PRKCI: variants seen among roughly 807,000 people sequenced by gnomAD.
The protein encoded by PRKCI is protein kinase C iota type.
A neutral mutation model predicts 84.0 loss-of-function variants in PRKCI; 43 were observed. The ratio of observed to expected loss-of-function variants is 0.51; its 90% CI spans 0.40 to 0.66. PRKCI has a LOEUF of 0.66. PRKCI is among the 30% of genes least tolerant of loss of function. PRKCI has a pLI of 0.00. For missense variants in PRKCI, 459 were observed against 745.6 expected, an observed-to-expected ratio of 0.62 and a Z score of 4.48; for synonymous variants, 216 against 234.4, an observed-to-expected ratio of 0.92 and a Z score of 0.72.
chr3:170,277,693 CA>C (rs113442053), intron 8 of PRKCI, among the ~76,000 whole-genome samples: 4,223 of 79,230 alleles, frequency 0.053, 73 homozygotes, highest in South Asian at 0.18. Context: ...GACTCCGTCT[CA>C]AAAAAAAAAA....
At chr3:170,234,586 G>C (rs75761538) in intron 1 of PRKCI, among the ~76,000 whole-genome samples, 2,393 of 152,124 alleles carry the variant, frequency 0.016, 40 homozygotes, top group East Asian at 0.085. Context: ...AAATTTCATA[G>C]AATTTTCTTC....
chr3:170,272,500 A>G (rs942525259), intron 6 of PRKCI, among the ~76,000 whole-genome samples: 2 of 152,162 alleles, frequency 1.3e-5, no homozygotes, highest in African/African-American at 4.8e-5. Flanking sequence ...AAGGCTGACT[A>G]TTTCCAACAT....
chr3:170,251,167 C>T (rs754816248), intron 2 of PRKCI, among the ~76,000 whole-genome samples: 6 of 151,996 alleles, frequency 3.9e-5, no homozygotes, highest in Admixed American at 2.6e-4. Context: ...TGTCATAAAA[C>T]GAAACTTGAA....
At chr3:170,282,165 A>G (rs78793673) in intron 11 of PRKCI, among the ~76,000 whole-genome samples, 197 bp downstream of exon 11, 3,250 of 152,330 alleles carry the variant, frequency 0.021, 89 homozygotes, top group South Asian at 0.11. Flanking sequence ...ATTTATACAC[A>G]TACATGTACA....
intron 14 of PRKCI, among the ~76,000 whole-genome samples, chr3:170,294,240 A>T (rs1049534193): frequency 7.2e-5 from 11 of 152,194 alleles, no homozygotes; most frequent in Admixed American, 2.6e-4. Context: ...AAGATGGGGA[A>T]AAAAGGCCCC....
chr3:170,232,592 A>G (rs1295740109), intron 1 of PRKCI, among the ~76,000 whole-genome samples: 1 of 151,208 alleles, frequency 6.6e-6, no homozygotes, highest in Non-Finnish European at 1.5e-5. Flanking sequence ...TTAGAGACAG[A>G]GTCTTGCTCT....
intron 4 of PRKCI, among the ~76,000 whole-genome samples, chr3:170,265,596 G>A (rs990177488): frequency 6.6e-6 from 1 of 151,708 alleles, no homozygotes; most frequent in South Asian, 2.1e-4. Flanking sequence ...TGAATTAATC[G>A]AAATAGCTCT....
At chr3:170,272,414 G>T (rs1413703861) in intron 6 of PRKCI, among the ~76,000 whole-genome samples, 1 of 152,280 alleles carries the variant, frequency 6.6e-6, no homozygotes, top group African/African-American at 2.4e-5. Flanking sequence ...TTTGGTATTA[G>T]AATCTTTAAT....
chr3:170,240,900 T>TCC (rs1733113335), intron 2 of PRKCI, among the ~76,000 whole-genome samples: 1 of 152,244 alleles, frequency 6.6e-6, no homozygotes, highest in African/African-American at 2.4e-5. Context: ...GTTTGCTTAA[T>TCC]CTAACTAAAC....
At chr3:170,264,946 G>C (rs1733822071) in intron 4 of PRKCI, among the ~76,000 whole-genome samples, 1 of 151,974 alleles carries the variant, frequency 6.6e-6, no homozygotes, top group South Asian at 2.1e-4. Flanking sequence ...AGCACTTTGG[G>C]AGGCTGAGGC....
At chr3:170,261,469 A>G (rs561953392) in intron 3 of PRKCI, among the ~76,000 whole-genome samples, 1 of 151,056 alleles carries the variant, frequency 6.6e-6, no homozygotes, top group East Asian at 1.9e-4. Flanking sequence ...TAAAAAAAAA[A>G]AAAAAACAGT....
At chr3:170,279,442 G>A (rs1392376954) in intron 8 of PRKCI, among the ~76,000 whole-genome samples, 2 of 152,070 alleles carry the variant, frequency 1.3e-5, no homozygotes, top group Non-Finnish European at 2.9e-5. Context: ...TTTACTATTT[G>A]CTTTTCTTGG....
intron 12 of PRKCI, among the ~76,000 whole-genome samples, chr3:170,289,498 G>A (rs1252107256): frequency 6.6e-6 from 1 of 152,148 alleles, no homozygotes; most frequent in East Asian, 1.9e-4. Context: ...GGAAGGGCCG[G>A]GCACAGTGCT....
At chr3:170,270,595 T>TC (rs748868943) in intron 6 of PRKCI, 34 bp downstream of exon 6, 2 of 1,556,366 alleles carry the variant, frequency 1.3e-6, no homozygotes, top group South Asian at 2.4e-5. Context: ...TTTTTTTTTT[T>TC]TAAGAGCGTG....
chr3:170,284,671 A>C (rs954478072), intron 12 of PRKCI, 75 bp downstream of exon 12: 82 of 1,445,884 alleles, frequency 5.7e-5, no homozygotes, highest in Non-Finnish European at 7.4e-5. Flanking sequence ...TCATGTTTAA[A>C]GATGAGGAAA....
Position 170,275,275 on chromosome 3 carries a change from T to A in PRKCI, c.693T>A (p.Gly231=), listed in dbSNP as rs1346869276. ...GTCATGAGAGTTTGGATCAAGTTGG[T>A]GAAGAAAAAGAGGTAAGATAATTTG... is the stretch of plus-strand genomic sequence containing the variant. The part of the protein sequence containing the change: ...PSSHESLDQV[G]EEKEAMNTRE... Residue 231 remains glycine, a synonymous_variant, in exon 8 of 18, where the codon GGT becomes GGA. Coordinates refer to ENST00000295797, the MANE Select transcript of PRKCI (RefSeq NM_002740.6). 1.3e-6 allele frequency: 2 copies of A among 1,597,250 alleles called. No individual in the cohort carries two copies. The highest frequency in any genetic ancestry group is 3.5e-5 in the Admixed American group (2 of 57,748).
chr3:170,242,438 C>T (rs987094152), intron 2 of PRKCI, among the ~76,000 whole-genome samples: 99 of 147,622 alleles, frequency 6.7e-4, no homozygotes, highest in African/African-American at 2.6e-3. Context: ...GAGACCCCAT[C>T]TCAAAAGAAA....
chr3:170,253,126 T>G (rs967425404), intron 2 of PRKCI, among the ~76,000 whole-genome samples: 1 of 152,232 alleles, frequency 6.6e-6, no homozygotes, highest in African/African-American at 2.4e-5. Flanking sequence ...TCATGGCTAT[T>G]GTGAATAGTG....
In PRKCI at chr3:170,286,485, C is replaced by CTTTTTTT. The variant is rs34674664; in HGVS notation, c.1203+1905_1203+1911dup. Reference sequence around the variant, plus strand: ...AAGTGCACAAATTAAAACAATGAGGCTTTTTTTTTTTTTTTTTTTTTTGCC... The same window carrying CTTTTTTT: ...AAGTGCACAAATTAAAACAATGAGGCTTTTTTTTTTTTTTTTTTTTTTTTTTTTTGCC... On this transcript the variant is annotated intron_variant, in intron 12 of 17. Transcript: ENST00000295797. Among the ~76,000 whole-genome samples, 35 of 65,592 alleles carry CTTTTTTT rather than the reference C, an allele frequency of 5.3e-4. 2 individuals are homozygous for CTTTTTTT. Among genetic ancestry groups the CTTTTTTT allele is most frequent in the South Asian group, 7.0e-4 (1 of 1,438 alleles). The allele number at this position is 65,592 out of a possible 152,430, so 43.0% of individuals were successfully genotyped here. A position where few individuals can be genotyped will look rare whatever the true frequency, so the allele number is the denominator to read the frequency against.
Sources: gnomAD v4.1 joint callset for allele counts (sites outside exome capture counted in the v4.1 genomes callset) on GRCh38, gnomAD v4.1.1 for gene constraint, MANE v1.5 for transcripts, NCBI Gene and HGNC (gene_info 2026-07-23, HGNC 2026-07-21) for gene names.